Variants in SSBP2 observed in about 807,000 individuals in gnomAD.
The protein encoded by SSBP2 is single-stranded DNA-binding protein 2.
In SSBP2, 17 loss-of-function variants were observed where a neutral mutation model predicts 61.8. That is an observed-to-expected ratio of 0.28 (90% CI 0.19 to 0.41). The LOEUF (loss-of-function observed/expected upper bound fraction) is 0.41. SSBP2 is among the 10% of genes least tolerant of loss of function. SSBP2 has a pLI of 1.00. For synonymous variants in SSBP2, 139 were observed against 141.3 expected (o/e 0.98, Z 0.12); for missense variants, 310 against 458.7 (o/e 0.68, Z 2.96).
chr5:81,667,332 C>T (rs1002892597), intron 1 of SSBP2, among the ~76,000 whole-genome samples: 3 of 148,768 alleles, frequency 2.0e-5, no homozygotes, highest in South Asian at 2.2e-4. Context: ...CACACACACA[C>T]GCTCCAACAA....
Position 81,529,742 on chromosome 5 carries a change from A to G in SSBP2, c.283-16025T>C, listed in dbSNP as rs149232428. 9.7e-4 allele frequency among the ~76,000 whole-genome samples: 148 copies of G among 152,270 alleles called. 1 individual carries two copies. The Middle Eastern group carries it at 0.01, about 10-fold the overall frequency. On this transcript the variant is annotated intron_variant, in intron 4 of 16. Transcript: ENST00000320672. Reference sequence around the variant, plus strand: ...AAGGAAGCAATGATTTTGGAACTACAGAAGAAAGGAAACTGTTCTCTTCTG... The same window carrying G: ...AAGGAAGCAATGATTTTGGAACTACGGAAGAAAGGAAACTGTTCTCTTCTG...
At chr5:81,455,348 G>A (rs1029363322) in intron 10 of SSBP2, among the ~76,000 whole-genome samples, 1 of 53,620 alleles carries the variant, frequency 1.9e-5, no homozygotes, top group African/African-American at 6.9e-4. Flanking sequence ...GGCCGGGCGC[G>A]GTGGCTCACG....
At chr5:81,728,700 T>C (rs556368044) in intron 1 of SSBP2, among the ~76,000 whole-genome samples, 15 of 152,242 alleles carry the variant, frequency 9.9e-5, no homozygotes, top group Non-Finnish European at 1.8e-4. Context: ...GATTTTGTAA[T>C]AAATTCTGGT....
chr5:81,459,668 T>C (rs1198410114), intron 10 of SSBP2, among the ~76,000 whole-genome samples: 1 of 152,230 alleles, frequency 6.6e-6, no homozygotes, highest in East Asian at 1.9e-4. Context: ...TTTCTTGCAT[T>C]CTTTTTATGG....
At chr5:81,488,610 T>C (rs908727367) in intron 6 of SSBP2, among the ~76,000 whole-genome samples, 13 of 152,026 alleles carry the variant, frequency 8.6e-5, no homozygotes, top group Non-Finnish European at 2.9e-5. Context: ...CGTGCAGGTT[T>C]GTTACATATG....
intron 4 of SSBP2, among the ~76,000 whole-genome samples, chr5:81,569,714 C>T (rs1355820080): frequency 6.6e-6 from 1 of 152,110 alleles, no homozygotes; most frequent in Non-Finnish European, 1.5e-5. Context: ...ATTTAAAAGG[C>T]ATATCAGACT....
At chr5:81,696,084 A>G (rs1208159989) in intron 1 of SSBP2, among the ~76,000 whole-genome samples, 1 of 152,114 alleles carries the variant, frequency 6.6e-6, no homozygotes, top group Non-Finnish European at 1.5e-5. Flanking sequence ...GCATCTGAGA[A>G]ACTCAAGGCC....
At chr5:81,434,372 C>T (rs7725126) in intron 15 of SSBP2, among the ~76,000 whole-genome samples, 69,407 of 151,556 alleles carry the variant, frequency 0.46, 19,531 homozygotes, top group African/African-American at 0.8. Context: ...AATTACCAGG[C>T]GATGGCCGGG....
chr5:81,544,102 T>C (rs984002888), intron 4 of SSBP2, among the ~76,000 whole-genome samples: 1 of 152,162 alleles, frequency 6.6e-6, no homozygotes, highest in Non-Finnish European at 1.5e-5. Flanking sequence ...CAGGCTGGAG[T>C]GCAGTGGCGG....
At chr5:81,732,106 G>C (rs531986677) in intron 1 of SSBP2, among the ~76,000 whole-genome samples, 1 of 151,940 alleles carries the variant, frequency 6.6e-6, no homozygotes, top group East Asian at 1.9e-4. Flanking sequence ...ATTAAAAGTA[G>C]GAAAACATAA....
intron 10 of SSBP2, among the ~76,000 whole-genome samples, chr5:81,454,894 A>G (rs1764027400): frequency 6.6e-6 from 1 of 152,164 alleles, no homozygotes; most frequent in Admixed American, 6.5e-5. Context: ...TCTGTAAAAT[A>G]TGACACAATT....
intron 1 of SSBP2, among the ~76,000 whole-genome samples, chr5:81,749,152 G>A (rs1757543793): frequency 6.6e-6 from 1 of 152,126 alleles, no homozygotes; most frequent in South Asian, 2.1e-4. Context: ...GCACACAAAT[G>A]AGACTGCATT....
intron 16 of SSBP2, among the ~76,000 whole-genome samples, chr5:81,424,436 A>C (rs919753272): frequency 6.6e-6 from 1 of 152,014 alleles, no homozygotes; most frequent in Admixed American, 6.6e-5. Context: ...AAAATACATA[A>C]ATAAATAAAT....
chr5:81,501,212 A>AATATATATATATATAT (rs1167504052), intron 5 of SSBP2, among the ~76,000 whole-genome samples: 2 of 28,814 alleles, frequency 6.9e-5, no homozygotes, highest in East Asian at 1.4e-3. Context: ...CTCCATCTCA[A>AATATATATATATATAT]ATATATATAT....
At chr5:81,577,489 C>T (rs376859404) in intron 4 of SSBP2, among the ~76,000 whole-genome samples, 1 of 151,724 alleles carries the variant, frequency 6.6e-6, no homozygotes, top group African/African-American at 2.4e-5. Flanking sequence ...AAGCCAGAGC[C>T]GAAAGGAATA....
At chr5:81,493,976 G>A (rs1767099759) in intron 5 of SSBP2, among the ~76,000 whole-genome samples, 1 of 152,126 alleles carries the variant, frequency 6.6e-6, no homozygotes, top group African/African-American at 2.4e-5. Context: ...AGATAAAAAT[G>A]ACTACCCGCT....
chr5:81,482,759 C>T (rs1351823130), intron 6 of SSBP2, among the ~76,000 whole-genome samples: 1 of 152,168 alleles, frequency 6.6e-6, no homozygotes, highest in Non-Finnish European at 1.5e-5. Flanking sequence ...CTTATCATTT[C>T]TGTGTTCACT....
intron 4 of SSBP2, among the ~76,000 whole-genome samples, chr5:81,573,332 A>T (rs907926421): frequency 6.6e-6 from 1 of 152,256 alleles, no homozygotes; most frequent in Non-Finnish European, 1.5e-5. Context: ...AACACAGATA[A>T]TCCCAGAAGG....
intron 6 of SSBP2, among the ~76,000 whole-genome samples, chr5:81,485,589 TTAA>T (rs1487760122): frequency 6.6e-6 from 1 of 152,210 alleles, no homozygotes; most frequent in Non-Finnish European, 1.5e-5. Context: ...ATACAAACTC[TTAA>T]TAAAACATAA....
Sources: gnomAD v4.1 joint callset for allele counts (sites outside exome capture counted in the v4.1 genomes callset) on GRCh38, gnomAD v4.1.1 for gene constraint, MANE v1.5 for transcripts, NCBI Gene and HGNC (gene_info 2026-07-23, HGNC 2026-07-21) for gene names.